The following NFATC3 variants were observed in gnomAD, a reference collection of about 807,000 sequenced individuals.
The protein encoded by NFATC3 is nuclear factor of activated T-cells, cytoplasmic 3.
Under a neutral mutation model 98.6 loss-of-function variants are expected in NFATC3, and 46 were observed. That is an observed-to-expected ratio of 0.47 (90% CI 0.37 to 0.60). The LOEUF is 0.60. NFATC3 is among the 20% of genes least tolerant of loss of function. The probability of loss-of-function intolerance (pLI) is 0.00; values close to 1 mark genes in which losing one functional copy is unlikely to be tolerated. For missense variants in NFATC3, 1,256 were observed against 1,295.5 expected, an observed-to-expected ratio of 0.97 and a Z score of 0.47; for synonymous variants, 512 against 472.2, an observed-to-expected ratio of 1.08 and a Z score of -1.09.
intron 9 of NFATC3, among the ~76,000 whole-genome samples, chr16:68,211,766 C>CAT (rs1331191114): frequency 6.6e-6 from 1 of 151,738 alleles, no homozygotes; most frequent in African/African-American, 2.4e-5. Context: ...AGGTGATCTA[C>CAT]CCGCCTTGGC....
At position 68,191,322 on chromosome 16, in the gene NFATC3, C is replaced by T. The variant is rs2040409620; in HGVS notation, c.2653C>T (p.His885Tyr). The change falls in exon 9 of 10, where the codon CAT (histidine) becomes TAT (tyrosine). Residue 885 changes from histidine (H) to tyrosine (Y), a missense_variant. Physicochemically the swap from His to Tyr is moderately conservative, Grantham distance 83. Around this residue, in one of 3 missense-constraint regions of NFATC3, gnomAD observed 636 missense variants for 617.3 expected, o/e 1.03. Coordinates refer to ENST00000346183, the MANE Select transcript of NFATC3 (RefSeq NM_173165.3). ...GCCTCATCTGCAATCAATGGGATAT[C>T]ATTGTTCAAATACAGGACAAAGATC... Reference protein sequence around the residue: ...TLPHLQSMGYHCSNTGQRSLS... With the variant: ...TLPHLQSMGYYCSNTGQRSLS... The T allele has an allele frequency of 6.2e-7, 1 of 1,614,094 alleles. No homozygotes were observed. The highest frequency in any genetic ancestry group is 1.7e-5 in the Admixed American group (1 of 60,006).
chr16:68,130,899 A>G (rs1193168558), intron 3 of NFATC3, among the ~76,000 whole-genome samples: 1 of 152,154 alleles, frequency 6.6e-6, no homozygotes, highest in Non-Finnish European at 1.5e-5. Flanking sequence ...ATTGAAGAGG[A>G]TATCCTTTCC....
chr16:68,126,351 C>G, intron 2 of NFATC3, 97 bp from the exon 3 acceptor site: 2 of 1,166,850 alleles, frequency 1.7e-6, no homozygotes, highest in Non-Finnish European at 2.4e-6. Flanking sequence ...TTTCAAAGAT[C>G]AAAGGAAGAA....
At chr16:68,098,513 G>C (rs2151455951) in intron 1 of NFATC3, among the ~76,000 whole-genome samples, 1 of 152,014 alleles carries the variant, frequency 6.6e-6, no homozygotes, top group African/African-American at 2.4e-5. Flanking sequence ...TGTTGACCAG[G>C]ATGGTCACAA....
At chr16:68,144,798 CA>C (rs1422512058) in intron 3 of NFATC3, among the ~76,000 whole-genome samples, 1 of 152,106 alleles carries the variant, frequency 6.6e-6, no homozygotes, top group Non-Finnish European at 1.5e-5. Flanking sequence ...GCTGGGATTA[CA>C]GGTGCCTGCC....
At chr16:68,165,842 C>A (rs2039166878) in intron 4 of NFATC3, among the ~76,000 whole-genome samples, 1 of 152,206 alleles carries the variant, frequency 6.6e-6, no homozygotes, top group Non-Finnish European at 1.5e-5. Context: ...GCAAGGTTAA[C>A]TAGTATATTT....
intron 3 of NFATC3, among the ~76,000 whole-genome samples, chr16:68,135,472 AAAAAAAAAAAAG>A (rs2037350428): frequency 2.6e-5 from 4 of 151,278 alleles, no homozygotes. Context: ...AAAAAAAAAA[AAAAAAAAAAAAG>A]AAACTGAATT....
chr16:68,112,763 A>C (rs1598384033), intron 1 of NFATC3, among the ~76,000 whole-genome samples: 1 of 140,238 alleles, frequency 7.1e-6, no homozygotes, highest in African/African-American at 2.7e-5. Context: ...GGTTCACGCC[A>C]TTCTCCTGCC....
intron 1 of NFATC3, among the ~76,000 whole-genome samples, chr16:68,107,512 C>T (rs1455807845): frequency 6.6e-6 from 1 of 152,122 alleles, no homozygotes; most frequent in Non-Finnish European, 1.5e-5. Flanking sequence ...CAGTTGAGGT[C>T]AGGAGTTCAA....
intron 7 of NFATC3, among the ~76,000 whole-genome samples, chr16:68,182,399 G>C (rs2039984903): frequency 6.6e-6 from 1 of 152,192 alleles, no homozygotes; most frequent in South Asian, 2.1e-4. Context: ...CAGTTAGGTT[G>C]AGGATTGTAT....
chr16:68,132,076 C>T (rs2037141578), intron 3 of NFATC3, among the ~76,000 whole-genome samples: 1 of 152,140 alleles, frequency 6.6e-6, no homozygotes, highest in Non-Finnish European at 1.5e-5. Flanking sequence ...ATGTGTACTG[C>T]TTATTTTTCT....
In NFATC3 at chr16:68,123,048, G is replaced by C. The variant is rs1216818892; in HGVS notation, c.1165G>C (p.Gly389Arg). The C allele has an allele frequency of 1.9e-6, 3 of 1,612,298 alleles. No individual in the cohort carries two copies. The African/African-American group carries it at 4.0e-5, about 22-fold the overall frequency. The change falls in exon 2 of 10, where the codon GGT becomes CGT. Residue 389 changes from glycine to arginine, a missense_variant. Transcript: ENST00000346183. ...SQYPLKKDSC[G>R]DQFLSVPSPF... The stretch of plus-strand genomic sequence containing the variant: ...GTATCCTTTAAAGAAAGATTCATGT[G>C]GTGATCAGTTTCTTTCAGTTCCTTC...
chr16:68,138,807 C>A, intron 3 of NFATC3: 1 of 1,246,144 alleles, frequency 8.0e-7, no homozygotes, highest in South Asian at 1.4e-5. Flanking sequence ...AGTGTGCCTT[C>A]TATGCCACAT....
chr16:68,168,010 T>G (rs2039291924), intron 5 of NFATC3, among the ~76,000 whole-genome samples: 1 of 151,378 alleles, frequency 6.6e-6, no homozygotes, highest in Admixed American at 6.6e-5. Flanking sequence ...GTTTTTGTAT[T>G]TTTAGTAGAG....
Position 68,196,010 on chromosome 16 carries a change from A to G in NFATC3, c.3106+4235A>G, listed in dbSNP as rs893291212. On this transcript the variant is annotated intron_variant, in intron 9 of 9. Transcript: ENST00000346183. ...GTAGCTGGGACTACAGGCATGTGCCACCACACCTGACCAATTTTTGTTAAA... is the reference window on the plus strand; with the variant it reads ...GTAGCTGGGACTACAGGCATGTGCCGCCACACCTGACCAATTTTTGTTAAA... Among the ~76,000 whole-genome samples the G allele has an allele frequency of 2.6e-5, 4 of 152,196 alleles. No homozygotes were observed. The South Asian group carries it at 8.3e-4, about 31-fold the overall frequency.
At chr16:68,219,123 C>T (rs1304964987) in intron 9 of NFATC3, among the ~76,000 whole-genome samples, 2 of 150,224 alleles carry the variant, frequency 1.3e-5, no homozygotes. Flanking sequence ...CGGTGGCTCA[C>T]GCCTGTAATC....
At chr16:68,094,311 C>T (rs2034891681) in intron 1 of NFATC3, among the ~76,000 whole-genome samples, 1 of 151,854 alleles carries the variant, frequency 6.6e-6, no homozygotes, top group Admixed American at 6.6e-5. Flanking sequence ...GCGTTTAGAT[C>T]TGTCGTCAAA....
In NFATC3 at chr16:68,121,918, A is replaced by G. The variant is rs558065013; in HGVS notation, c.104-69A>G. 33 of 1,486,602 alleles carry G rather than the reference A, an allele frequency of 2.2e-5. No individual in the cohort carries two copies. The African/African-American group carries it at 3.4e-4, about 15-fold the overall frequency. 92.1% of individuals were successfully genotyped at this position (1,486,602 alleles called of 1,614,324 possible). A position where few individuals can be genotyped will look rare whatever the true frequency, so the allele number is the denominator to read the frequency against. ...TTATTATTTACTTTCTCATCTAGTAATTTATACATCTGAGTTTTCTAATTT... is the reference window on the plus strand; with the variant it reads ...TTATTATTTACTTTCTCATCTAGTAGTTTATACATCTGAGTTTTCTAATTT... On this transcript the variant is annotated intron_variant, in intron 1 of 9. Transcript: ENST00000346183.
At position 68,183,273 on chromosome 16, in the gene NFATC3, A is replaced by G. The variant is rs2040022801; in HGVS notation, c.2005A>G (p.Asn669Asp). 4 of 1,603,004 alleles carry G rather than the reference A, an allele frequency of 2.5e-6. No individual in the cohort carries two copies. The East Asian group carries it at 8.9e-5, about 36-fold the overall frequency. The stretch of plus-strand genomic sequence containing the variant: ...TGTCCTTGAAGTTCCTCCATATCAT[A>G]ACCCAGCAGTTACAGCTGCAGTGCA... ...HIVLEVPPYH[N>D]PAVTAAVQVH... The change falls in exon 8 of 10, where the codon AAC becomes GAC. Residue 669 changes from asparagine (N) to aspartate (D), a missense_variant. Asn to Asp is a conservative substitution (Grantham distance 23). Around this residue, in one of 3 missense-constraint regions of NFATC3, gnomAD observed 636 missense variants for 617.3 expected, o/e 1.03. Coordinates refer to ENST00000346183, the MANE Select transcript of NFATC3 (RefSeq NM_173165.3).
Sources: gnomAD v4.1 joint callset for allele counts (sites outside exome capture counted in the v4.1 genomes callset) on GRCh38, gnomAD v4.1.1 for gene constraint, gnomAD v4.1.1 regional missense constraint, MANE v1.5 for transcripts, NCBI Gene and HGNC (gene_info 2026-07-23, HGNC 2026-07-21) for gene names.